ANGPTL3: variants seen among roughly 807,000 people sequenced by gnomAD.
The protein encoded by ANGPTL3 is angiopoietin like 3.
A neutral mutation model predicts 52.7 loss-of-function variants in ANGPTL3; 51 were observed. The ratio of observed to expected loss-of-function variants is 0.97; its 90% CI spans 0.77 to 1.22. The LOEUF is 1.22. Among genes scored for constraint, ANGPTL3 ranks in the 50% most tolerant of loss-of-function variants. The probability of loss-of-function intolerance (pLI) is 0.00; values close to 1 mark genes in which losing one functional copy is unlikely to be tolerated. For missense variants in ANGPTL3, 506 were observed against 520.7 expected (o/e 0.97, Z 0.27); for synonymous variants, 185 against 179.8 (o/e 1.03, Z -0.23).
chr1:62,602,923 T>C (rs1650365142), intron 5 of ANGPTL3, among the ~76,000 whole-genome samples: 1 of 151,612 alleles, frequency 6.6e-6, no homozygotes, highest in African/African-American at 2.4e-5. Flanking sequence ...AATAGTAAAA[T>C]AAGCAAGATA....
Position 62,598,765 on chromosome 1 carries a change from T to C in ANGPTL3, c.565T>C (p.Leu189=), listed in dbSNP as rs111414963. 2.4e-4 allele frequency: 394 copies of C among 1,610,210 alleles called. No homozygotes were observed. In the Middle Eastern group the frequency reaches 9.1e-3, roughly 37 times the overall value. ...LQTVEDQYKQ[L]NQQHSQIKEI... is the part of the protein sequence containing the mutation. ...GACCGTGGAAGACCAATATAAACAATTAAACCAACAGCATAGTCAAATAAA... is the reference window on the plus strand; with the variant it reads ...GACCGTGGAAGACCAATATAAACAACTAAACCAACAGCATAGTCAAATAAA... Residue 189 remains leucine (L), a synonymous_variant, in exon 2 of 7, where the codon TTA becomes CTA. Coordinates refer to ENST00000371129, the MANE Select transcript of ANGPTL3 (RefSeq NM_014495.4).
intron 2 of ANGPTL3, among the ~76,000 whole-genome samples, chr1:62,599,454 C>T (rs74683706): frequency 0.022 from 3,375 of 152,038 alleles, 134 homozygotes; most frequent in African/African-American, 0.077. Flanking sequence ...AAATCACAAC[C>T]GCCTGGTCCC....
intron 6 of ANGPTL3, 180 bp from the exon 7 acceptor site, chr1:62,604,453 T>C (rs1650647099): frequency 5.6e-6 from 5 of 894,208 alleles, no homozygotes; most frequent in East Asian, 2.6e-5. Context: ...TTTGGTAGTG[T>C]ATAGATTATT....
chr1:62,599,670 C>T (rs998766224), intron 2 of ANGPTL3, among the ~76,000 whole-genome samples: 33 of 151,950 alleles, frequency 2.2e-4, no homozygotes, highest in African/African-American at 7.7e-4. Context: ...ACACAGTAGG[C>T]ATTTCTGTTG....
intron 5 of ANGPTL3, 25 bp downstream of exon 5, chr1:62,602,405 C>A: frequency 6.3e-7 from 1 of 1,581,488 alleles, no homozygotes; most frequent in Non-Finnish European, 8.7e-7. Context: ...TTCAATCATT[C>A]ATTCACTTGC....
At chr1:62,603,905 A>G (rs761241471) in intron 5 of ANGPTL3, 64 bp from the exon 6 acceptor site, 4 of 1,525,008 alleles carry the variant, frequency 2.6e-6, no homozygotes, top group Non-Finnish European at 3.6e-6. Flanking sequence ...AAAACACTTA[A>G]AAAAACTGTC....
At chr1:62,603,643 A>C (rs1057377272) in intron 5 of ANGPTL3, among the ~76,000 whole-genome samples, 3 of 151,764 alleles carry the variant, frequency 2.0e-5, no homozygotes, top group African/African-American at 7.2e-5. Flanking sequence ...CCATATAAAG[A>C]CTTGCAAATA....
intron 4 of ANGPTL3, among the ~76,000 whole-genome samples, 187 bp from the exon 5 acceptor site, chr1:62,602,098 A>G (rs1369436148): frequency 6.6e-6 from 1 of 151,714 alleles, no homozygotes; most frequent in East Asian, 1.9e-4. Flanking sequence ...TAAGTTTACT[A>G]TGCCAAAATT....
chr1:62,603,600 G>C (rs1302005996), intron 5 of ANGPTL3, among the ~76,000 whole-genome samples: 1 of 151,654 alleles, frequency 6.6e-6, no homozygotes, highest in Non-Finnish European at 1.5e-5. Flanking sequence ...GACTGTATAT[G>C]GATGTTAATA....
At chr1:62,603,500 A>T (rs1465977066) in intron 5 of ANGPTL3, among the ~76,000 whole-genome samples, 4 of 151,828 alleles carry the variant, frequency 2.6e-5, no homozygotes, top group Non-Finnish European at 5.9e-5. Flanking sequence ...AAGAAAGCAT[A>T]CATTAAGCAA....
chr1:62,601,645 C>T, intron 3 of ANGPTL3, 124 bp from the exon 4 acceptor site: 1 of 658,420 alleles, frequency 1.5e-6, no homozygotes, highest in East Asian at 2.8e-5. Context: ...AATGCTTTAA[C>T]ATAAACATTA....
chr1:62,604,267 C>T (rs936140737), intron 6 of ANGPTL3, 32 bp downstream of exon 6: 1 of 1,608,402 alleles, frequency 6.2e-7, no homozygotes, highest in Non-Finnish European at 8.5e-7. Context: ...ACTTTATTTT[C>T]ATATCTTCAA....
chr1:62,605,832 G>GATCCCTAA lies in ANGPTL3; in HGVS notation c.*1033_*1040dup, dbSNP rs773897640. 6.6e-6 allele frequency: 1 copy of GATCCCTAA among 151,918 alleles called. No individual in the cohort carries two copies. Among genetic ancestry groups the GATCCCTAA allele is most frequent in the Non-Finnish European group, 1.5e-5 (1 of 67,876 alleles). 9.4% of individuals were successfully genotyped at this position (151,918 alleles called of 1,614,324 possible). On this transcript the variant is annotated 3_prime_UTR_variant, in exon 7 of 7. Coordinates refer to ENST00000371129, the MANE Select transcript of ANGPTL3 (RefSeq NM_014495.4). ...TTGCATGTTTATCGACATCACAACAGATCCCTAAATCCCTAAATCCCTAAA... is the reference window on the plus strand; with the variant it reads ...TTGCATGTTTATCGACATCACAACAGATCCCTAAATCCCTAAATCCCTAAATCCCTAAA...
chr1:62,603,847 A>G, intron 5 of ANGPTL3, 122 bp from the exon 6 acceptor site: 1 of 903,284 alleles, frequency 1.1e-6, no homozygotes, highest in Non-Finnish European at 1.7e-6. Flanking sequence ...ATACACTAAA[A>G]TGATCAAGGG....
At chr1:62,601,279 A>T (rs1208936597) in intron 3 of ANGPTL3, 83 bp downstream of exon 3, 1 of 968,398 alleles carries the variant, frequency 1.0e-6, no homozygotes, top group East Asian at 2.5e-5. Flanking sequence ...ACTAAAAGAT[A>T]GTTAAGAGAT....
At chr1:62,600,773 A>G (rs566430516) in intron 2 of ANGPTL3, among the ~76,000 whole-genome samples, 1 of 151,858 alleles carries the variant, frequency 6.6e-6, no homozygotes, top group Non-Finnish European at 1.5e-5. Flanking sequence ...TTTTATTCAT[A>G]TAAATAAAAG....
In ANGPTL3 at chr1:62,602,379, T is replaced by C. The variant is rs1398140623; in HGVS notation, c.930T>C (p.Asp310=). Residue 310 remains aspartate, a splice_region_variant and synonymous_variant, in exon 5 of 7, where the codon GAT becomes GAC. Transcript: ENST00000371129. Reference sequence around the variant, plus strand: ...ACAAATATGGTTTTGGGAGGCTTGATGGTAAGGGGACTACATTCAATCATT... The same window carrying C: ...ACAAATATGGTTTTGGGAGGCTTGACGGTAAGGGGACTACATTCAATCATT... ...ENYKYGFGRL[D]GEFWLGLEKI... 1 of 1,609,542 alleles carries C rather than the reference T, an allele frequency of 6.2e-7. No individual in the cohort carries two copies. Among genetic ancestry groups the C allele is most frequent in the South Asian group, 1.1e-5 (1 of 90,990 alleles).
At chr1:62,603,456 TG>T (rs1432274799) in intron 5 of ANGPTL3, among the ~76,000 whole-genome samples, 1 of 151,808 alleles carries the variant, frequency 6.6e-6, no homozygotes, top group African/African-American at 2.4e-5. Context: ...AAATTTAAAA[TG>T]ATTTTTTAAA....
chr1:62,604,010 A>C lies in ANGPTL3; in HGVS notation c.973A>C (p.Lys325Gln). Reference sequence around the variant, plus strand: ...CCTAGAGAAGATATACTCCATAGTGAAGCAATCTAATTATGTTTTACGAAT... The same window carrying C: ...CCTAGAGAAGATATACTCCATAGTGCAGCAATCTAATTATGTTTTACGAAT... ...LGLEKIYSIV[K>Q]QSNYVLRIEL... The change falls in exon 6 of 7, where the codon AAG becomes CAG. Residue 325 changes from lysine (K) to glutamine (Q), a missense_variant. Physicochemically the swap from Lys to Gln is moderately conservative, Grantham distance 53. Coordinates refer to ENST00000371129, the MANE Select transcript of ANGPTL3 (RefSeq NM_014495.4). The C allele has an allele frequency of 6.2e-7, 1 of 1,613,158 alleles. No homozygotes were observed. Among genetic ancestry groups the C allele is most frequent in the Non-Finnish European group, 8.5e-7 (1 of 1,179,310 alleles).
Sources: allele counts gnomAD v4.1 joint callset (sites outside exome capture counted in the v4.1 genomes callset), GRCh38; gene constraint gnomAD v4.1.1; transcripts MANE v1.5; gene names NCBI Gene and HGNC (gene_info 2026-07-23, HGNC 2026-07-21).